NRROS: variants seen among roughly 807,000 people sequenced by gnomAD.
NRROS encodes the protein negative regulator of reactive oxygen species.
NRROS carries 6 observed loss-of-function variants against 12.0 expected under a neutral mutation model. That is an observed-to-expected ratio of 0.50 (90% CI 0.27 to 0.98). NRROS has a LOEUF of 0.98. Ranked by LOEUF, NRROS falls within the 50% of genes least tolerant of loss-of-function variation. NRROS has a pLI of 0.11. For missense variants in NRROS, 857 were observed against 888.2 expected (o/e 0.96, Z 0.45); for synonymous variants, 462 against 410.2 (o/e 1.13, Z -1.53).
intron 1 of NRROS, among the ~76,000 whole-genome samples, chr3:196,648,755 A>C (rs1205629471): frequency 8.3e-6 from 1 of 120,332 alleles, no homozygotes; most frequent in Non-Finnish European, 1.6e-5. Flanking sequence ...AACAAGAGTG[A>C]AACTCCATCT....
intron 2 of NRROS, among the ~76,000 whole-genome samples, chr3:196,658,196 G>T (rs760074351): frequency 6.6e-6 from 1 of 152,196 alleles, no homozygotes; most frequent in East Asian, 1.9e-4. Context: ...CAATAAGTCC[G>T]TCATACTTTA....
rs1737657403 is a variant in NRROS, at chr3:196,660,830, G to T, written c.1187G>T (p.Gly396Val). The T allele has an allele frequency of 1.2e-6, 2 of 1,613,520 alleles. No homozygotes were observed. The highest frequency in any genetic ancestry group is 3.3e-5 in the Admixed American group (2 of 60,012). ...CTGTCGGAGCTGCACCTGGCTCCGG[G>T]GCTGGCCAGCTGCCTGGGCAGCCTG... ...NQLSELHLAP[G>V]LASCLGSLRL... is the part of the protein sequence containing the mutation. The change falls in exon 3 of 3, where the codon GGG (glycine) becomes GTG (valine). Residue 396 changes from glycine to valine, a missense_variant. By Grantham distance (109) the Gly-to-Val change is moderately radical. Transcript: ENST00000328557. The surrounding 1 kb of genome is among the most constrained non-coding windows in gnomAD (Gnocchi z 7.7).
rs1737626140 is a variant in NRROS at position 196,659,930 on chromosome 3, T to C, written c.287T>C (p.Ile96Thr). The change falls in exon 3 of 3, where the codon ATC (isoleucine) becomes ACC (threonine). Residue 96 changes from isoleucine to threonine, a missense_variant. Coordinates refer to ENST00000328557, the MANE Select transcript of NRROS (RefSeq NM_198565.3). ...CTGCACAGCTGCCACCTGGAGCGCA[T>C]CAGCCGCGGCGCCTTCCAGGAGCAA... ...LSLHSCHLER[I>T]SRGAFQEQGH... 1.9e-6 allele frequency: 3 copies of C among 1,613,952 alleles called. No individual in the cohort carries two copies. The highest frequency in any genetic ancestry group is 1.7e-6 in the Non-Finnish European group (2 of 1,180,016).
intron 2 of NRROS, among the ~76,000 whole-genome samples, chr3:196,657,927 A>G (rs1006934863): frequency 6.6e-6 from 1 of 152,136 alleles, no homozygotes; most frequent in Non-Finnish European, 1.5e-5. Flanking sequence ...AGCACAGTAA[A>G]TGTGTTTCAC....
chr3:196,652,405 A>G (rs1737445601), intron 1 of NRROS, among the ~76,000 whole-genome samples: 2 of 152,200 alleles, frequency 1.3e-5, no homozygotes, highest in Admixed American at 1.3e-4. Flanking sequence ...ATTCTCATGC[A>G]ACTCTGGAAT....
In NRROS at chr3:196,659,640, T is replaced by C. The variant is rs907208795; in HGVS notation, c.109-112T>C. ...ATCCTATTTTTAAAATGAACATCTC[T>C]AGAGCCATCCCCGGCGGTTGCAGGG... On this transcript the variant is annotated intron_variant, in intron 2 of 2. Coordinates refer to ENST00000328557, the MANE Select transcript of NRROS (RefSeq NM_198565.3). The C allele has an allele frequency of 5.4e-6, 6 of 1,110,624 alleles. No homozygotes were observed. The African/African-American group carries it at 7.9e-5, about 15-fold the overall frequency. 68.8% of individuals were successfully genotyped at this position (1,110,624 alleles called of 1,614,324 possible). A position where few individuals can be genotyped will look rare whatever the true frequency, so the allele number is the denominator to read the frequency against.
chr3:196,643,679 C>T (rs1436647785), intron 1 of NRROS, among the ~76,000 whole-genome samples: 1 of 152,270 alleles, frequency 6.6e-6, no homozygotes, highest in Non-Finnish European at 1.5e-5. Context: ...CATGGGTACA[C>T]ATCGTGTTCT....
At chr3:196,643,546 C>A (rs974221467) in intron 1 of NRROS, among the ~76,000 whole-genome samples, 1 of 139,080 alleles carries the variant, frequency 7.2e-6, no homozygotes. Context: ...AGAGAAGGAC[C>A]GGGAGGGGAT....
In NRROS at chr3:196,661,144, G is replaced by A. The variant is rs749792964; in HGVS notation, c.1501G>A (p.Gly501Arg). 73 of 1,612,664 alleles carry A rather than the reference G, an allele frequency of 4.5e-5. No homozygotes were observed. Among genetic ancestry groups the A allele is most frequent in the Admixed American group, 8.3e-5 (5 of 59,904 alleles). ...DLSSNWGVLN[G>R]SLAPLQDVAP... ...CTCAAGCAACTGGGGGGTTCTGAAT[G>A]GGAGCCTCGCCCCACTCCAGGATGT... Residue 501 changes from glycine to arginine, a missense_variant, in exon 3 of 3, where the codon GGG becomes AGG. Gly to Arg is a moderately radical substitution (Grantham distance 125). Transcript: ENST00000328557.
Position 196,661,233 on chromosome 3 carries a change from G to A in NRROS, c.1590G>A (p.Leu530=). ...NMGLHSSFMA[L]DFSGFGNLRD... ...GCCTCCACTCCAGCTTTATGGCGTTGGACTTCTCTGGGTTTGGGAATCTCA... is the reference window on the plus strand; with the variant it reads ...GCCTCCACTCCAGCTTTATGGCGTTAGACTTCTCTGGGTTTGGGAATCTCA... The change falls in exon 3 of 3, where the codon TTG becomes TTA. Residue 530 remains leucine, a synonymous_variant. Transcript: ENST00000328557. 1 of 1,613,954 alleles carries A rather than the reference G, an allele frequency of 6.2e-7. No individual in the cohort carries two copies. Among genetic ancestry groups the A allele is most frequent in the South Asian group, 1.1e-5 (1 of 91,026 alleles).
chr3:196,660,264 G>A lies in NRROS; in HGVS notation c.621G>A (p.Leu207=). Residue 207 remains leucine, a synonymous_variant, in exon 3 of 3, where the codon CTG becomes CTA. Coordinates refer to ENST00000328557, the MANE Select transcript of NRROS (RefSeq NM_198565.3). This position sits in a 1 kb window ranked among gnomAD's most constrained non-coding sequence, Gnocchi z 7.7. ...GCGCTTTCGACGGCCTGGCTGAGCT[G>A]AGGCACCTCAACCTGGCCTTCAACA... ...EGGAFDGLAE[L]RHLNLAFNNL... 1 of 1,613,866 alleles carries A rather than the reference G, an allele frequency of 6.2e-7. No individual in the cohort carries two copies. The highest frequency in any genetic ancestry group is 8.5e-7 in the Non-Finnish European group (1 of 1,180,036).
At chr3:196,642,459 G>T (rs1737227523) in intron 1 of NRROS, among the ~76,000 whole-genome samples, 2 of 152,156 alleles carry the variant, frequency 1.3e-5, no homozygotes, top group Admixed American at 6.5e-5. Flanking sequence ...AAGTCCCGGA[G>T]CTGGTGGCAA....
intron 1 of NRROS, among the ~76,000 whole-genome samples, chr3:196,652,602 G>C (rs749254100): frequency 6.6e-6 from 1 of 152,134 alleles, no homozygotes; most frequent in East Asian, 1.9e-4. Flanking sequence ...GTTTTTTTCT[G>C]GGCTGGTTGG....
rs71621281 is a variant in NRROS at position 196,642,285 on chromosome 3, C to CAAA, written c.-14+2414_-14+2416dup. 1.8e-3 allele frequency among the ~76,000 whole-genome samples: 165 copies of CAAA among 92,042 alleles called. 2 individuals are homozygous for CAAA. The highest frequency in any genetic ancestry group is 7.7e-3 in the African/African-American group (155 of 20,064). 60.4% of individuals were successfully genotyped at this position (92,042 alleles called of 152,430 possible). A position where few individuals can be genotyped will look rare whatever the true frequency, so the allele number is the denominator to read the frequency against. ...AAAAACCAACGTAAATATGCTTCGGCAAAAAAGAAAAAAAAAAAGGATTTA... is the reference window on the plus strand; with the variant it reads ...AAAAACCAACGTAAATATGCTTCGGCAAAAAAAAAGAAAAAAAAAAAGGATTTA... On this transcript the variant is annotated intron_variant, in intron 1 of 2. Transcript: ENST00000328557.
rs1466896388 is a variant in NRROS, at chr3:196,661,200, G to C, written c.1557G>C (p.Arg519Ser). The C allele has an allele frequency of 6.2e-7, 1 of 1,613,792 alleles. No individual in the cohort carries two copies. Among genetic ancestry groups the C allele is most frequent in the Non-Finnish European group, 8.5e-7 (1 of 1,179,890 alleles). Residue 519 changes from arginine (R) to serine (S), a missense_variant, in exon 3 of 3, where the codon AGG becomes AGC. Arg to Ser is a moderately radical substitution (Grantham distance 110). Transcript: ENST00000328557. ...CCATGTTACAGGTCCTGTCTCTCAGGAACATGGGCCTCCACTCCAGCTTTA... is the reference window on the plus strand; with the variant it reads ...CCATGTTACAGGTCCTGTCTCTCAGCAACATGGGCCTCCACTCCAGCTTTA... The part of the protein sequence containing the change: ...VAPMLQVLSL[R>S]NMGLHSSFMA...
intron 1 of NRROS, among the ~76,000 whole-genome samples, chr3:196,647,076 C>T (rs953503961): frequency 3.9e-5 from 6 of 152,154 alleles, no homozygotes; most frequent in Non-Finnish European, 8.8e-5. Context: ...TTTACCATAA[C>T]TTATTTAGCC....
intron 1 of NRROS, among the ~76,000 whole-genome samples, chr3:196,653,785 T>A (rs1737479257): frequency 6.6e-6 from 1 of 152,194 alleles, no homozygotes; most frequent in African/African-American, 2.4e-5. Context: ...ATGGCTCCCC[T>A]TAGTTCTGAA....
At chr3:196,659,128 G>A (rs1398511541) in intron 2 of NRROS, among the ~76,000 whole-genome samples, 3 of 151,940 alleles carry the variant, frequency 2.0e-5, no homozygotes, top group Non-Finnish European at 4.4e-5. Context: ...CGTCCCTCCC[G>A]CCTCCTTATT....
intron 2 of NRROS, among the ~76,000 whole-genome samples, chr3:196,656,769 C>T (rs1382628394): frequency 2.0e-5 from 3 of 152,062 alleles, no homozygotes; most frequent in Non-Finnish European, 4.4e-5. Context: ...CTTTCTGGCC[C>T]AGTGGGCAGG....
Sources: allele counts gnomAD v4.1 joint callset (sites outside exome capture counted in the v4.1 genomes callset), GRCh38; gene constraint gnomAD v4.1.1; non-coding constraint Gnocchi (gnomAD v3.1); transcripts MANE v1.5; gene names NCBI Gene and HGNC (gene_info 2026-07-23, HGNC 2026-07-21).